GRTP1: variants seen among roughly 807,000 people sequenced by gnomAD.
GRTP1 encodes the protein growth hormone regulated TBC protein 1, also known as growth hormone-regulated TBC protein 1.
GRTP1 carries 56 observed loss-of-function variants against 38.1 expected under a neutral mutation model. That is an observed-to-expected ratio of 1.47 (90% CI 1.19 to 1.84). GRTP1 has a LOEUF of 1.84. Ranked by LOEUF, GRTP1 falls within the 40% of genes most tolerant of loss-of-function variation. GRTP1 has a pLI of 0.00. For synonymous variants in GRTP1, 217 were observed against 189.5 expected (o/e 1.14, Z -1.19); for missense variants, 506 against 453.9 (o/e 1.11, Z -1.04).
chr13:113,334,488 G>C (rs747967701), intron 5 of GRTP1, among the ~76,000 whole-genome samples: 1 of 152,148 alleles, frequency 6.6e-6, no homozygotes, highest in South Asian at 2.1e-4. Flanking sequence ...GTTTCATCCT[G>C]CACTGAACCA....
At position 113,343,177 on chromosome 13, in the gene GRTP1, G is replaced by A. The variant is rs1213920262; in HGVS notation, c.562+1686C>T. 6.6e-6 allele frequency among the ~76,000 whole-genome samples: 1 copy of A among 152,174 alleles called. No homozygotes were observed. Among genetic ancestry groups the A allele is most frequent in the Admixed American group, 6.5e-5 (1 of 15,274 alleles). On this transcript the variant is annotated intron_variant, in intron 5 of 7. Coordinates refer to ENST00000375431, the MANE Select transcript of GRTP1 (RefSeq NM_024719.4). This position sits in a 1 kb window ranked among gnomAD's most constrained non-coding sequence, Gnocchi z 4.8. Reference sequence around the variant, plus strand: ...CACTCAGACATAACCGAAGCAGGCTGTGAGCCCGTTTCCATGTCCTACCAA... The same window carrying A: ...CACTCAGACATAACCGAAGCAGGCTATGAGCCCGTTTCCATGTCCTACCAA...
chr13:113,327,431 G>A (rs143025414), intron 5 of GRTP1, among the ~76,000 whole-genome samples: 1 of 152,154 alleles, frequency 6.6e-6, no homozygotes, highest in East Asian at 2.0e-4. Flanking sequence ...GCCCGCCTCG[G>A]CCTCCAAAAG....
At chr13:113,337,075 T>C (rs7995299) in intron 5 of GRTP1, among the ~76,000 whole-genome samples, 148,055 of 152,294 alleles carry the variant, frequency 0.97, 72,107 homozygotes, top group East Asian at 1. Context: ...GGGAGGATCA[T>C]TTGAGCCCAA....
intron 5 of GRTP1, among the ~76,000 whole-genome samples, chr13:113,336,661 C>G (rs2042959554): frequency 6.6e-6 from 1 of 152,196 alleles, no homozygotes; most frequent in African/African-American, 2.4e-5. Context: ...TACCTCTGCA[C>G]TGGGAACACG....
chr13:113,346,273 CCTCTGTGGCTGAGCGGAT>C (rs1566429786), intron 4 of GRTP1, among the ~76,000 whole-genome samples: 12 of 61,714 alleles, frequency 1.9e-4, no homozygotes, highest in Non-Finnish European at 3.1e-4. Context: ...TCCGGGAGGA[CCTCTGTGGCTGAGCGGAT>C]CTGGGAGGAC....
chr13:113,331,093 G>A (rs2042863980), intron 5 of GRTP1, among the ~76,000 whole-genome samples: 1 of 151,590 alleles, frequency 6.6e-6, no homozygotes, highest in South Asian at 2.1e-4. Flanking sequence ...CGGGAGCCCA[G>A]GTGTGTGCAT....
chr13:113,329,394 A>G (rs915726184), intron 5 of GRTP1, among the ~76,000 whole-genome samples: 1 of 152,128 alleles, frequency 6.6e-6, no homozygotes, highest in East Asian at 1.9e-4. Context: ...CCGGGCCAAC[A>G]TGGTGAAAAC....
intron 5 of GRTP1, 116 bp from the exon 6 acceptor site, chr13:113,326,207 G>A (rs2042766186): frequency 5.5e-6 from 7 of 1,282,526 alleles, no homozygotes; most frequent in Non-Finnish European, 7.5e-6. Context: ...CCTCCCAAGA[G>A]GGAGGGACAA....
chr13:113,334,559 T>G (rs1421373656), intron 5 of GRTP1, among the ~76,000 whole-genome samples: 7 of 152,058 alleles, frequency 4.6e-5, no homozygotes, highest in Non-Finnish European at 8.8e-5. Context: ...AGGGTTAGAA[T>G]GAGAAACTGG....
chr13:113,354,496 C>T (rs890661615), intron 3 of GRTP1, among the ~76,000 whole-genome samples: 5 of 151,582 alleles, frequency 3.3e-5, no homozygotes, highest in Admixed American at 6.6e-5. Flanking sequence ...GGCAGATGTA[C>T]TTTCTAAAAA....
intron 5 of GRTP1, among the ~76,000 whole-genome samples, chr13:113,327,448 G>C (rs1301066146): frequency 1.3e-5 from 2 of 151,814 alleles, no homozygotes; most frequent in Admixed American, 6.6e-5. Flanking sequence ...AAAGTGCTGG[G>C]ATTACAGGCG....
intron 4 of GRTP1, among the ~76,000 whole-genome samples, chr13:113,350,534 C>T (rs1358921620): frequency 4.6e-5 from 7 of 151,664 alleles, no homozygotes; most frequent in African/African-American, 1.7e-4. Context: ...ACAGCACACA[C>T]ACCCCACAGC....
In GRTP1 at chr13:113,363,839, T is replaced by A; in HGVS notation, c.104A>T (p.Tyr35Phe). Reference sequence around the variant, plus strand: ...CGCCCTGCGGGTGAGCGTGACCAGGTAGCTGGAGAAAAACTTCTCGTAGGC... The same window carrying A: ...CGCCCTGCGGGTGAGCGTGACCAGGAAGCTGGAGAAAAACTTCTCGTAGGC... The part of the protein sequence containing the change: ...DAAYEKFFSS[Y>F]LVTLTRRAIK... The change falls in exon 2 of 8, where the codon TAC becomes TTC. Residue 35 changes from tyrosine (Y) to phenylalanine (F), a missense_variant. By Grantham distance (22) the Tyr-to-Phe change is conservative (BLOSUM62 3). Transcript: ENST00000375431. The A allele has an allele frequency of 1.2e-6, 2 of 1,611,632 alleles. No individual in the cohort carries two copies. Among genetic ancestry groups the A allele is most frequent in the South Asian group, 2.2e-5 (2 of 90,996 alleles).
At chr13:113,351,327 G>T (rs2043262181) in intron 3 of GRTP1, among the ~76,000 whole-genome samples, 1 of 152,226 alleles carries the variant, frequency 6.6e-6, no homozygotes, top group African/African-American at 2.4e-5. Flanking sequence ...CGTAGCGGAG[G>T]CAACTCTGCC....
At chr13:113,339,279 T>C (rs977960779) in intron 5 of GRTP1, among the ~76,000 whole-genome samples, 2 of 152,210 alleles carry the variant, frequency 1.3e-5, no homozygotes, top group Admixed American at 1.3e-4. Flanking sequence ...ATTATATGGA[T>C]CAAAGATACT....
At chr13:113,327,831 G>A (rs983212389) in intron 5 of GRTP1, among the ~76,000 whole-genome samples, 10 of 152,198 alleles carry the variant, frequency 6.6e-5, no homozygotes, top group East Asian at 3.9e-4. Flanking sequence ...CCCACAGGTG[G>A]TGTGGCAGGG....
chr13:113,354,653 C>A (rs905735562), intron 3 of GRTP1, among the ~76,000 whole-genome samples: 1 of 151,990 alleles, frequency 6.6e-6, no homozygotes, highest in Non-Finnish European at 1.5e-5. Flanking sequence ...CTCAGCCTCC[C>A]GAGTAGCTGG....
chr13:113,329,770 C>T (rs1182281418), intron 5 of GRTP1, among the ~76,000 whole-genome samples: 2 of 152,176 alleles, frequency 1.3e-5, no homozygotes, highest in African/African-American at 4.8e-5. Flanking sequence ...ATTTGTGGGG[C>T]TCACCCCCAC....
In GRTP1 at chr13:113,344,967, T is replaced by A. The variant is rs1490570712; in HGVS notation, c.466-8A>T. 5 of 1,588,226 alleles carry A rather than the reference T, an allele frequency of 3.1e-6. No individual in the cohort carries two copies. Among genetic ancestry groups the A allele is most frequent in the Non-Finnish European group, 4.3e-6 (5 of 1,173,860 alleles). On this transcript the variant is annotated splice_polypyrimidine_tract_variant and splice_region_variant and intron_variant, in intron 4 of 7. Coordinates refer to ENST00000375431, the MANE Select transcript of GRTP1 (RefSeq NM_024719.4). ...TGCTATAAAATTCATTCCCTGAAAT[T>A]AGAAAAATGAGAAACAAATTCACAT...
Sources: allele counts gnomAD v4.1 joint callset (sites outside exome capture counted in the v4.1 genomes callset), GRCh38; gene constraint gnomAD v4.1.1; non-coding constraint Gnocchi (gnomAD v3.1); transcripts MANE v1.5; gene names NCBI Gene and HGNC (gene_info 2026-07-23, HGNC 2026-07-21).